MTOR: variants seen among roughly 807,000 people sequenced by gnomAD.
The protein encoded by MTOR is mechanistic target of rapamycin kinase.
A neutral mutation model predicts 319.8 loss-of-function variants in MTOR; 70 were observed. The ratio of observed to expected loss-of-function variants is 0.22; its 90% CI spans 0.18 to 0.27. The LOEUF (loss-of-function observed/expected upper bound fraction) is 0.27. MTOR is among the 10% of genes least tolerant of loss of function. The probability of loss-of-function intolerance (pLI) is 1.00; values close to 1 mark genes in which losing one functional copy is unlikely to be tolerated. For missense variants in MTOR, 1,890 were observed against 3,274.4 expected (o/e 0.58, Z 10.32); for synonymous variants, 1,183 against 1,211.4 (o/e 0.98, Z 0.49).
At chr1:11,256,388 G>C in intron 4 of MTOR, 196 bp from the exon 5 acceptor site, 2 of 913,814 alleles carry the variant, frequency 2.2e-6, no homozygotes, top group South Asian at 1.0e-4. Flanking sequence ...ATCCTAGGTT[G>C]TTTACAAACA....
intron 19 of MTOR, among the ~76,000 whole-genome samples, chr1:11,219,629 TG>T (rs1646592209): frequency 6.6e-6 from 1 of 152,166 alleles, no homozygotes; most frequent in African/African-American, 2.4e-5. Context: ...ACTACAAGCA[TG>T]ACTTCTCAGA....
intron 15 of MTOR, 35 bp downstream of exon 15, chr1:11,233,363 T>C (rs780239470): frequency 1.9e-6 from 3 of 1,580,604 alleles, no homozygotes; most frequent in Non-Finnish European, 2.6e-6. Flanking sequence ...TTTTCCACCC[T>C]ATCTCCGCTA....
intron 25 of MTOR, among the ~76,000 whole-genome samples, chr1:11,208,390 G>A (rs1005584602): frequency 6.6e-6 from 1 of 152,260 alleles, no homozygotes. Flanking sequence ...GCAAAGCTGG[G>A]CGTGAGCCCG....
chr1:11,226,512 C>T lies in MTOR; in HGVS notation c.3030+2156G>A, dbSNP rs182053239. 2.2e-4 allele frequency among the ~76,000 whole-genome samples: 33 copies of T among 152,144 alleles called. No homozygotes were observed. The East Asian group carries it at 3.7e-3, about 17-fold the overall frequency. ...GCATCTAATTAACATGGAAGTAGGCCGGGTACAGTGGCTCACTCCTGTAAT... is the reference window on the plus strand; with the variant it reads ...GCATCTAATTAACATGGAAGTAGGCTGGGTACAGTGGCTCACTCCTGTAAT... On this transcript the variant is annotated intron_variant, in intron 19 of 57. Coordinates refer to ENST00000361445, the MANE Select transcript of MTOR (RefSeq NM_004958.4).
At position 11,167,484 on chromosome 1, in the gene MTOR, C is replaced by T. The variant is rs1281340889; in HGVS notation, c.4287G>A (p.Ala1429=). The T allele has an allele frequency of 5.6e-6, 9 of 1,613,270 alleles. No individual in the cohort carries two copies. The African/African-American group carries it at 6.7e-5, about 12-fold the overall frequency. The change falls in exon 29 of 58, where the codon GCG becomes GCA. Residue 1429 remains alanine, a synonymous_variant. Transcript: ENST00000361445. The part of the protein sequence containing the change: ...INNKLQQPEA[A]AGVLEYAMKH... ...TCATGGCATATTCTAACACTCCGGC[C>T]GCTGCCTCCGGCTGCTGTAGCTTAT...
chr1:11,154,289 T>C (rs1644250369), intron 30 of MTOR, among the ~76,000 whole-genome samples: 1 of 151,752 alleles, frequency 6.6e-6, no homozygotes, highest in Non-Finnish European at 1.5e-5. Flanking sequence ...TTTGTTGTTG[T>C]TGTTGTTGCC....
At chr1:11,134,506 G>A in intron 36 of MTOR, 40 bp from the exon 37 acceptor site, 1 of 1,584,668 alleles carries the variant, frequency 6.3e-7, no homozygotes, top group Non-Finnish European at 8.7e-7. Context: ...CTTGGCTTGT[G>A]GCCCAGCTTC....
rs1178965222 is a variant in MTOR at position 11,128,177 on chromosome 1, G to A, written c.5911-51C>T. On this transcript the variant is annotated intron_variant, in intron 42 of 57. Coordinates refer to ENST00000361445, the MANE Select transcript of MTOR (RefSeq NM_004958.4). The surrounding 1 kb of genome is among the most constrained non-coding windows in gnomAD (Gnocchi z 5.3). Reference sequence around the variant, plus strand: ...TATAAAGGAAATGTGGGTTGGGGAAGAGCTGGTATGAATTTTAAGGAGAAT... The same window carrying A: ...TATAAAGGAAATGTGGGTTGGGGAAAAGCTGGTATGAATTTTAAGGAGAAT... 1.2e-6 allele frequency: 2 copies of A among 1,605,574 alleles called. No individual in the cohort carries two copies. Among genetic ancestry groups the A allele is most frequent in the Middle Eastern group, 1.7e-4 (1 of 5,940 alleles).
chr1:11,116,941 GA>G, intron 50 of MTOR, 62 bp downstream of exon 50: 1 of 1,266,514 alleles, frequency 7.9e-7, no homozygotes, highest in Non-Finnish European at 1.1e-6. Context: ...AAAACCAAAT[GA>G]AACCATTCAG....
At chr1:11,192,987 G>A (rs1645610492) in intron 28 of MTOR, among the ~76,000 whole-genome samples, 1 of 151,860 alleles carries the variant, frequency 6.6e-6, no homozygotes, top group African/African-American at 2.4e-5. Flanking sequence ...CTTGGGGGAG[G>A]AGAAAAGAAA....
intron 13 of MTOR, among the ~76,000 whole-genome samples, chr1:11,234,936 T>A (rs1647148499): frequency 6.6e-6 from 1 of 152,300 alleles, no homozygotes; most frequent in East Asian, 1.9e-4. Context: ...TGGATAAAGC[T>A]GCCAGAAGGA....
chr1:11,109,420 A>T lies in MTOR; in HGVS notation c.7448-50T>A. 1 of 1,533,576 alleles carries T rather than the reference A, an allele frequency of 6.5e-7. No individual in the cohort carries two copies. Among genetic ancestry groups the T allele is most frequent in the South Asian group, 1.1e-5 (1 of 88,180 alleles). The allele number at this position is 1,533,576 out of a possible 1,614,324, so 95.0% of individuals were successfully genotyped here. On this transcript the variant is annotated intron_variant, in intron 55 of 57. Transcript: ENST00000361445. This position sits in a 1 kb window ranked among gnomAD's most constrained non-coding sequence, Gnocchi z 4.0. The stretch of plus-strand genomic sequence containing the variant: ...ACTGTAAGAATGGGAGCAATACAAC[A>T]GGTTCAATGGGTGCCCTGTTTTTCT...
chr1:11,262,422 G>A (rs1280023967), intron 1 of MTOR, 23 bp downstream of exon 1: 12 of 152,472 alleles, frequency 7.9e-5, no homozygotes, highest in Admixed American at 4.6e-4. Flanking sequence ...CCCTAGAGGG[G>A]TCGTGCCAGG....
intron 30 of MTOR, 85 bp from the exon 31 acceptor site, chr1:11,150,311 G>T: frequency 9.0e-7 from 1 of 1,108,534 alleles, no homozygotes; most frequent in Non-Finnish European, 1.3e-6. Flanking sequence ...GGTTAGGTGA[G>T]GACTACACAG....
chr1:11,132,676 A>G (rs1643219098), intron 38 of MTOR: 1 of 159,636 alleles, frequency 6.3e-6, no homozygotes, highest in Non-Finnish European at 1.4e-5. Flanking sequence ...AAAAACAAAG[A>G]AAGTTAAGTT....
chr1:11,169,740 A>AT (rs990543643), intron 28 of MTOR, among the ~76,000 whole-genome samples: 74 of 152,348 alleles, frequency 4.9e-4, no homozygotes, highest in Admixed American at 4.4e-3. Flanking sequence ...TATTTAACTC[A>AT]TCTTTTTTGA....
intron 8 of MTOR, among the ~76,000 whole-genome samples, chr1:11,245,174 G>C (rs960075840): frequency 2.0e-4 from 30 of 152,178 alleles, no homozygotes; most frequent in African/African-American, 7.0e-4. Flanking sequence ...ATAAGCCAGT[G>C]TGCATGGGTA....
rs372118684 is a variant in MTOR at position 11,127,165 on chromosome 1, G to A, written c.6217-21C>T. The A allele has an allele frequency of 8.7e-6, 14 of 1,612,816 alleles. No homozygotes were observed. The highest frequency in any genetic ancestry group is 1.8e-4 in the Middle Eastern group (1 of 5,658). On this transcript the variant is annotated intron_variant, in intron 44 of 57. Transcript: ENST00000361445. This position sits in a 1 kb window ranked among gnomAD's most constrained non-coding sequence, Gnocchi z 5.5. ...TAGGCCTGAGAGAGAAAGCAGGCAC[G>A]TTTTCAAGTTATCAAAGTCTCAACC... is the stretch of plus-strand genomic sequence containing the variant.
At chr1:11,227,367 A>T (rs1646880175) in intron 19 of MTOR, among the ~76,000 whole-genome samples, 1 of 151,964 alleles carries the variant, frequency 6.6e-6, no homozygotes, top group African/African-American at 2.4e-5. Context: ...AGAAACAAAT[A>T]AACAGTATGT....
Sources: gnomAD v4.1 joint callset for allele counts (sites outside exome capture counted in the v4.1 genomes callset) on GRCh38, gnomAD v4.1.1 for gene constraint, Gnocchi (gnomAD v3.1) non-coding constraint, MANE v1.5 for transcripts, NCBI Gene and HGNC (gene_info 2026-07-23, HGNC 2026-07-21) for gene names.